SRBD1: variants seen among roughly 807,000 people sequenced by gnomAD.
The protein encoded by SRBD1 is S1 RNA binding domain 1.
In SRBD1, 88 loss-of-function variants were observed where a neutral mutation model predicts 115.3. The ratio of observed to expected loss-of-function variants is 0.76; its 90% CI spans 0.64 to 0.91. The LOEUF (loss-of-function observed/expected upper bound fraction) is 0.91, where lower values mean the gene tolerates loss of function less well. SRBD1 is among the 40% of genes least tolerant of loss of function. The pLI is 0.00. For synonymous variants in SRBD1, 509 were observed against 407.7 expected, an observed-to-expected ratio of 1.25 and a Z score of -2.99; for missense variants, 1,385 against 1,177.4, an observed-to-expected ratio of 1.18 and a Z score of -2.58.
At chr2:45,602,261 C>T (rs752379377) in intron 2 of SRBD1, among the ~76,000 whole-genome samples, 178 bp from the exon 3 acceptor site, 11 of 152,146 alleles carry the variant, frequency 7.2e-5, no homozygotes, top group Non-Finnish European at 1.5e-4. Flanking sequence ...GAGTTGATGA[C>T]GGACCAGTAT....
At chr2:45,456,163 C>G (rs933398154) in intron 16 of SRBD1, among the ~76,000 whole-genome samples, 1 of 151,774 alleles carries the variant, frequency 6.6e-6, no homozygotes, top group Non-Finnish European at 1.5e-5. Context: ...AAGACTTCTG[C>G]TTATTTCATT....
rs558842662 is a variant in SRBD1, at chr2:45,489,202, T to C, written c.1875-871A>G. Among the ~76,000 whole-genome samples, 8 of 152,326 alleles carry C rather than the reference T, an allele frequency of 5.3e-5. No homozygotes were observed. The East Asian group carries it at 1.5e-3, about 29-fold the overall frequency. ...ATCTACTCTAAGTATACACAATACATGTGGCTCTATACCATGTGACCATGT... is the reference window on the plus strand; with the variant it reads ...ATCTACTCTAAGTATACACAATACACGTGGCTCTATACCATGTGACCATGT... On this transcript the variant is annotated intron_variant, in intron 14 of 20. Coordinates refer to ENST00000263736, the MANE Select transcript of SRBD1 (RefSeq NM_018079.5).
In SRBD1 at chr2:45,463,020, G is replaced by C. The variant is rs1197626582; in HGVS notation, c.2049+13973C>G. 3.6e-4 allele frequency among the ~76,000 whole-genome samples: 10 copies of C among 28,098 alleles called. 1 individual carries two copies. The highest frequency in any genetic ancestry group is 8.6e-4 in the African/African-American group (7 of 8,114). 18.4% of individuals were successfully genotyped at this position (28,098 alleles called of 152,430 possible). ...TATTTAATTGTTGAGAATAACCCGG[G>C]GGGGGGGGGGGAAATCTCTCTTGTC... On this transcript the variant is annotated intron_variant, in intron 16 of 20. Coordinates refer to ENST00000263736, the MANE Select transcript of SRBD1 (RefSeq NM_018079.5).
rs551022318 is a variant in SRBD1, at chr2:45,404,808, T to C, written c.2513+8306A>G. On this transcript the variant is annotated intron_variant, in intron 19 of 20. Coordinates refer to ENST00000263736, the MANE Select transcript of SRBD1 (RefSeq NM_018079.5). ...CCTATAGTAGCCTCCCAATGCCCTTTTGACTCAATCTCCTATTTTTCTCTC... is the reference window on the plus strand; with the variant it reads ...CCTATAGTAGCCTCCCAATGCCCTTCTGACTCAATCTCCTATTTTTCTCTC... Among the ~76,000 whole-genome samples the C allele has an allele frequency of 2.6e-5, 4 of 152,240 alleles. No individual in the cohort carries two copies. In the East Asian group the frequency reaches 7.7e-4, roughly 29 times the overall value.
intron 16 of SRBD1, chr2:45,447,402 T>C (rs140147665): frequency 0.049 from 7,479 of 152,196 alleles, 381 homozygotes; most frequent in East Asian, 0.15. Context: ...GAGTCGAGAT[T>C]GCGCCACTGC....
chr2:45,484,786 T>C (rs1289468834), intron 15 of SRBD1, among the ~76,000 whole-genome samples: 1 of 152,216 alleles, frequency 6.6e-6, no homozygotes, highest in East Asian at 1.9e-4. Flanking sequence ...ACAGTCAGTT[T>C]TCAATCTCTA....
At chr2:45,492,491 T>G (rs1389426263) in intron 14 of SRBD1, among the ~76,000 whole-genome samples, 1 of 152,164 alleles carries the variant, frequency 6.6e-6, no homozygotes, top group Non-Finnish European at 1.5e-5. Context: ...CAGGCTGGAG[T>G]GCAGTGGCGC....
chr2:45,602,725 C>A (rs576127455), intron 2 of SRBD1, among the ~76,000 whole-genome samples: 59 of 151,714 alleles, frequency 3.9e-4, no homozygotes, highest in African/African-American at 1.4e-3. Context: ...CATGGGAACT[C>A]TTTTAAAGGA....
intron 4 of SRBD1, among the ~76,000 whole-genome samples, chr2:45,596,294 C>G (rs576783877): frequency 1.3e-5 from 2 of 152,298 alleles, no homozygotes; most frequent in Non-Finnish European, 2.9e-5. Flanking sequence ...TCTTGCCTTT[C>G]TCTTGGAATG....
At chr2:45,484,935 C>T (rs967855894) in intron 15 of SRBD1, among the ~76,000 whole-genome samples, 6 of 152,128 alleles carry the variant, frequency 3.9e-5, no homozygotes, top group Admixed American at 6.5e-5. Context: ...ATTCTTTTTA[C>T]GGCTGAATGA....
chr2:45,494,436 T>C (rs1670393338), intron 14 of SRBD1, among the ~76,000 whole-genome samples: 1 of 152,142 alleles, frequency 6.6e-6, no homozygotes, highest in Admixed American at 6.5e-5. Flanking sequence ...TAAATCTTGG[T>C]AAATACATCA....
chr2:45,492,137 T>G (rs1670315052), intron 14 of SRBD1, among the ~76,000 whole-genome samples: 1 of 152,188 alleles, frequency 6.6e-6, no homozygotes, highest in African/African-American at 2.4e-5. Flanking sequence ...TGCTAAGTTT[T>G]ATCTTAGGTA....
At position 45,479,932 on chromosome 2, in the gene SRBD1, C is replaced by G. The variant is rs563157470; in HGVS notation, c.1967-2857G>C. On this transcript the variant is annotated intron_variant, in intron 15 of 20. Transcript: ENST00000263736. ...TTAAGCTGAAGTCAAGGCTCATTTG[C>G]CATTCTGAAAATCCTTGGGTTCTTA... 2.6e-5 allele frequency among the ~76,000 whole-genome samples: 4 copies of G among 152,242 alleles called. No individual in the cohort carries two copies. In the East Asian group the frequency reaches 7.7e-4, roughly 29 times the overall value.
chr2:45,565,278 G>T (rs1166775010), intron 9 of SRBD1, among the ~76,000 whole-genome samples: 2 of 152,130 alleles, frequency 1.3e-5, no homozygotes, highest in Non-Finnish European at 2.9e-5. Context: ...ACTGGCATAA[G>T]GATAGACATA....
At chr2:45,583,181 G>A (rs1257822707) in intron 5 of SRBD1, among the ~76,000 whole-genome samples, 4 of 150,310 alleles carry the variant, frequency 2.7e-5, no homozygotes, top group Non-Finnish European at 4.4e-5. Flanking sequence ...CAAAATGATC[G>A]ATGGAAAAGA....
intron 14 of SRBD1, among the ~76,000 whole-genome samples, chr2:45,496,399 AAAG>A (rs886136898): frequency 7.2e-5 from 11 of 152,314 alleles, no homozygotes; most frequent in African/African-American, 2.6e-4. Flanking sequence ...AAGCATTAAA[AAAG>A]AATGACAACA....
At chr2:45,510,766 C>T (rs1277224884) in intron 14 of SRBD1, among the ~76,000 whole-genome samples, 3 of 152,116 alleles carry the variant, frequency 2.0e-5, no homozygotes, top group Non-Finnish European at 4.4e-5. Context: ...TTAGTAAAGT[C>T]GGGCCTTTTA....
At chr2:45,451,435 T>G (rs1410224692) in intron 16 of SRBD1, among the ~76,000 whole-genome samples, 1 of 152,050 alleles carries the variant, frequency 6.6e-6, no homozygotes, top group African/African-American at 2.4e-5. Flanking sequence ...AGTCCCTTAT[T>G]GGCAATTATA....
At chr2:45,504,560 T>C (rs1572711089) in intron 14 of SRBD1, among the ~76,000 whole-genome samples, 1 of 152,320 alleles carries the variant, frequency 6.6e-6, no homozygotes, top group South Asian at 2.1e-4. Context: ...AACCATAATA[T>C]TAAAAGGTAA....
Sources: allele counts gnomAD v4.1 joint callset (sites outside exome capture counted in the v4.1 genomes callset), GRCh38; gene constraint gnomAD v4.1.1; transcripts MANE v1.5; gene names NCBI Gene and HGNC (gene_info 2026-07-23, HGNC 2026-07-21).